GALNT2: variants seen among roughly 807,000 people sequenced by gnomAD.
The protein encoded by GALNT2 is polypeptide N-acetylgalactosaminyltransferase 2.
GALNT2 carries 31 observed loss-of-function variants against 81.4 expected under a neutral mutation model. The ratio of observed to expected loss-of-function variants is 0.38; its 90% CI spans 0.29 to 0.51. The LOEUF (loss-of-function observed/expected upper bound fraction) is 0.51, where lower values mean the gene tolerates loss of function less well. Among genes scored for constraint, GALNT2 ranks in the 20% least tolerant of loss-of-function variants. The pLI is 0.87. For missense variants in GALNT2, 629 were observed against 765.7 expected, an observed-to-expected ratio of 0.82 and a Z score of 2.11; for synonymous variants, 303 against 287.4, an observed-to-expected ratio of 1.05 and a Z score of -0.55.
chr1:230,188,291 A>T (rs1301951277), intron 2 of GALNT2, among the ~76,000 whole-genome samples: 1 of 152,180 alleles, frequency 6.6e-6, no homozygotes, highest in African/African-American at 2.4e-5. Flanking sequence ...GCCTTGGTTC[A>T]TCGTACTTTG....
intron 3 of GALNT2, among the ~76,000 whole-genome samples, chr1:230,207,665 T>C (rs1005128766): frequency 6.6e-6 from 1 of 152,190 alleles, no homozygotes; most frequent in Admixed American, 6.5e-5. Flanking sequence ...TTTGGCTCAC[T>C]GTAGCCTTTC....
At chr1:230,136,559 C>T (rs148718478) in intron 1 of GALNT2, among the ~76,000 whole-genome samples, 4 of 152,306 alleles carry the variant, frequency 2.6e-5, no homozygotes, top group African/African-American at 7.2e-5. Flanking sequence ...CCTGCCCTGT[C>T]GGAATATGTC....
chr1:230,120,782 A>G (rs1318211885), intron 1 of GALNT2, among the ~76,000 whole-genome samples: 2 of 152,102 alleles, frequency 1.3e-5, no homozygotes, highest in African/African-American at 4.8e-5. Context: ...TCTTCTTTCC[A>G]GTGACTGTGG....
intron 3 of GALNT2, among the ~76,000 whole-genome samples, chr1:230,204,038 C>A (rs1663986391): frequency 6.6e-6 from 1 of 152,080 alleles, no homozygotes; most frequent in Non-Finnish European, 1.5e-5. Flanking sequence ...GAGGTGAAGT[C>A]TCTCCATTTG....
chr1:230,148,759 G>C (rs537524620), intron 1 of GALNT2, among the ~76,000 whole-genome samples: 14 of 151,960 alleles, frequency 9.2e-5, no homozygotes, highest in Admixed American at 5.2e-4. Flanking sequence ...GCTAATTTTT[G>C]TATTTTTAGT....
chr1:230,134,851 T>C lies in GALNT2; in HGVS notation c.127-43367T>C, dbSNP rs115658316. Among the ~76,000 whole-genome samples the C allele has an allele frequency of 4.5e-3, 682 of 152,290 alleles. 6 individuals carry two copies. The highest frequency in any genetic ancestry group is 0.015 in the African/African-American group (643 of 41,566). The stretch of plus-strand genomic sequence containing the variant: ...CCCCGTGGACCCAGTGCTCAGAAAA[T>C]CCAAGGCCAGTCTTGGTGCTACCAC... On this transcript the variant is annotated intron_variant, in intron 1 of 15. Transcript: ENST00000366672.
At chr1:230,254,405 G>A (rs1665643379) in intron 10 of GALNT2, among the ~76,000 whole-genome samples, 1 of 152,164 alleles carries the variant, frequency 6.6e-6, no homozygotes. Context: ...CTTCCCCAGG[G>A]AGCATTCCTA....
chr1:230,069,816 T>C (rs1325696919), intron 1 of GALNT2, among the ~76,000 whole-genome samples: 2 of 152,052 alleles, frequency 1.3e-5, no homozygotes, highest in East Asian at 3.9e-4. Flanking sequence ...TAGAGATAAG[T>C]GGACCTATAT....
At chr1:230,240,421 G>A (rs1274039953) in intron 6 of GALNT2, among the ~76,000 whole-genome samples, 1 of 152,128 alleles carries the variant, frequency 6.6e-6, no homozygotes, top group African/African-American at 2.4e-5. Flanking sequence ...GTGAAACCCC[G>A]TCTTTACTAA....
chr1:230,164,313 G>T lies in GALNT2; in HGVS notation c.127-13905G>T, dbSNP rs139316632. ...TCTCTCCTTGTGTGTGTGATTGCCC[G>T]TACATGCACTGTCAGCACCCGAGTT... On this transcript the variant is annotated intron_variant, in intron 1 of 15. Transcript: ENST00000366672. Among the ~76,000 whole-genome samples, 9 of 152,282 alleles carry T rather than the reference G, an allele frequency of 5.9e-5. No individual in the cohort carries two copies. In the East Asian group the frequency reaches 1.7e-3, roughly 29 times the overall value.
chr1:230,069,543 G>A (rs1223685445), intron 1 of GALNT2, among the ~76,000 whole-genome samples: 1 of 152,138 alleles, frequency 6.6e-6, no homozygotes, highest in Non-Finnish European at 1.5e-5. Flanking sequence ...TGGACCCAGG[G>A]TTAAAGAGAA....
intron 1 of GALNT2, among the ~76,000 whole-genome samples, chr1:230,145,270 CAGTG>C (rs896176954): frequency 6.6e-6 from 1 of 152,156 alleles, no homozygotes; most frequent in Non-Finnish European, 1.5e-5. Context: ...CTGAATTTCT[CAGTG>C]AGCGTCTCAG....
intron 1 of GALNT2, among the ~76,000 whole-genome samples, chr1:230,106,031 G>A (rs1481331699): frequency 6.6e-6 from 1 of 152,228 alleles, no homozygotes; most frequent in Non-Finnish European, 1.5e-5. Context: ...CTTCGGACTT[G>A]ACTTCTTAGA....
chr1:230,277,337 G>A (rs980285752), intron 15 of GALNT2, among the ~76,000 whole-genome samples: 34 of 152,132 alleles, frequency 2.2e-4, no homozygotes, highest in Admixed American at 5.9e-4. Context: ...CTGGGGTTTT[G>A]TTGTTGTTTT....
chr1:230,120,720 G>A (rs755007408), intron 1 of GALNT2, among the ~76,000 whole-genome samples: 4 of 152,154 alleles, frequency 2.6e-5, no homozygotes, highest in Non-Finnish European at 5.9e-5. Flanking sequence ...GGCTGCTTGG[G>A]AGAGAAAACT....
At position 230,281,570 on chromosome 1, in the gene GALNT2, C is replaced by G. The variant is rs770079329; in HGVS notation, c.*2112C>G. 2.0e-5 allele frequency: 3 copies of G among 152,572 alleles called. No homozygotes were observed. Among genetic ancestry groups the G allele is most frequent in the Non-Finnish European group, 4.4e-5 (3 of 68,110 alleles). 9.5% of individuals were successfully genotyped at this position (152,572 alleles called of 1,614,324 possible). A position where few individuals can be genotyped will look rare whatever the true frequency, so the allele number is the denominator to read the frequency against. On this transcript the variant is annotated 3_prime_UTR_variant, in exon 16 of 16. Coordinates refer to ENST00000366672, the MANE Select transcript of GALNT2 (RefSeq NM_004481.5). The stretch of plus-strand genomic sequence containing the variant: ...ATCACGTTTTCTGACGAATCCTTTG[C>G]CCCTTCACCTTTACCCCGCCCGCAC...
chr1:230,250,869 A>C (rs1558161434), intron 10 of GALNT2, among the ~76,000 whole-genome samples: 1 of 152,146 alleles, frequency 6.6e-6, no homozygotes, highest in Non-Finnish European at 1.5e-5. Flanking sequence ...AAACAGAGGG[A>C]AACAGTCCAG....
chr1:230,150,473 CTCT>C (rs776518430), intron 1 of GALNT2, among the ~76,000 whole-genome samples: 147 of 152,354 alleles, frequency 9.6e-4, no homozygotes, highest in Non-Finnish European at 1.9e-3. Flanking sequence ...CTTCCACTTC[CTCT>C]TTCTGCCCGC....
rs1666446969 is a variant in GALNT2, at chr1:230,281,594, A to ACCCCTAGG, written c.*2140_*2147dup. On this transcript the variant is annotated 3_prime_UTR_variant, in exon 16 of 16. Coordinates refer to ENST00000366672, the MANE Select transcript of GALNT2 (RefSeq NM_004481.5). ...GCCCCTTCACCTTTACCCCGCCCGCACCCCTAGGCCCTCTCAGCCTTCCTA... is the reference window on the plus strand; with the variant it reads ...GCCCCTTCACCTTTACCCCGCCCGCACCCCTAGGCCCCTAGGCCCTCTCAGCCTTCCTA... 1 of 150,460 alleles carries ACCCCTAGG rather than the reference A, an allele frequency of 6.6e-6. No homozygotes were observed. The highest frequency in any genetic ancestry group is 6.7e-5 in the Admixed American group (1 of 15,036). The allele number at this position is 150,460 out of a possible 1,614,324, so 9.3% of individuals were successfully genotyped here.
Sources: gnomAD v4.1 joint callset for allele counts (sites outside exome capture counted in the v4.1 genomes callset) on GRCh38, gnomAD v4.1.1 for gene constraint, MANE v1.5 for transcripts, NCBI Gene and HGNC (gene_info 2026-07-23, HGNC 2026-07-21) for gene names.